Variants in CSMD1 observed in about 807,000 individuals in gnomAD.
The protein encoded by CSMD1 is CUB and Sushi multiple domains 1, also known as CUB and sushi domain-containing protein 1.
In CSMD1, 213 loss-of-function variants were observed where a neutral mutation model predicts 417.5. That is an observed-to-expected ratio of 0.51 (90% CI 0.46 to 0.57). CSMD1 has a LOEUF of 0.57. CSMD1 is among the 20% of genes least tolerant of loss of function. The pLI is 0.00. For synonymous variants in CSMD1, 2,862 were observed against 1,736.8 expected, an observed-to-expected ratio of 1.65 and a Z score of -16.11; for missense variants, 6,923 against 4,529.7, an observed-to-expected ratio of 1.53 and a Z score of -15.17.
At chr8:3,744,513 AT>A (rs10617740) in intron 6 of CSMD1, among the ~76,000 whole-genome samples, 2 of 152,190 alleles carry the variant, frequency 1.3e-5, no homozygotes, top group African/African-American at 2.4e-5. Context: ...AAATAAATAA[AT>A]AAAATAGATC....
chr8:4,301,169 G>A (rs573161319), intron 3 of CSMD1, among the ~76,000 whole-genome samples: 3 of 152,254 alleles, frequency 2.0e-5, no homozygotes, highest in Admixed American at 1.3e-4. Context: ...GGAAAAGAAC[G>A]CTCTGGGGCA....
At chr8:4,591,537 A>G (rs901088189) in intron 2 of CSMD1, among the ~76,000 whole-genome samples, 70 of 152,200 alleles carry the variant, frequency 4.6e-4, no homozygotes, top group Non-Finnish European at 1.5e-4. Flanking sequence ...TTACAGAGTG[A>G]AGGACACAGA....
intron 3 of CSMD1, among the ~76,000 whole-genome samples, chr8:4,112,572 G>C (rs536161028): frequency 6.6e-6 from 1 of 152,092 alleles, no homozygotes; most frequent in Non-Finnish European, 1.5e-5. Context: ...CCCTCTTCTG[G>C]GGAGGCTGAC....
At chr8:4,123,665 A>C (rs1802607934) in intron 3 of CSMD1, among the ~76,000 whole-genome samples, 2 of 152,240 alleles carry the variant, frequency 1.3e-5, no homozygotes, top group East Asian at 1.9e-4. Context: ...AACACTCTTA[A>C]AGTGGGAAAA....
intron 12 of CSMD1, among the ~76,000 whole-genome samples, chr8:3,453,427 C>T (rs1056931036): frequency 3.3e-5 from 5 of 152,010 alleles, no homozygotes; most frequent in African/African-American, 9.7e-5. Context: ...TAGATCTTGC[C>T]TGCTTTCTCT....
At chr8:3,902,416 T>C (rs1250608914) in intron 5 of CSMD1, among the ~76,000 whole-genome samples, 2 of 152,130 alleles carry the variant, frequency 1.3e-5, no homozygotes, top group Non-Finnish European at 1.5e-5. Context: ...GCAGTCCCCA[T>C]CTTTTTTGCT....
At chr8:4,145,534 C>G (rs745522583) in intron 3 of CSMD1, among the ~76,000 whole-genome samples, 6 of 150,942 alleles carry the variant, frequency 4.0e-5, no homozygotes, top group Non-Finnish European at 5.9e-5. Context: ...GAATCCCATT[C>G]AGAATTTCTT....
At chr8:4,157,270 G>C (rs1349180021) in intron 3 of CSMD1, among the ~76,000 whole-genome samples, 4 of 152,160 alleles carry the variant, frequency 2.6e-5, no homozygotes, top group African/African-American at 4.8e-5. Context: ...TCCTGTCTGT[G>C]ACTAGTTTAG....
intron 2 of CSMD1, among the ~76,000 whole-genome samples, chr8:4,484,626 G>T (rs113194507): frequency 6.6e-6 from 1 of 151,934 alleles, no homozygotes; most frequent in African/African-American, 2.4e-5. Context: ...TCTATGAGAG[G>T]GAAAGTGAGA....
intron 3 of CSMD1, among the ~76,000 whole-genome samples, chr8:4,166,718 G>A (rs940534506): frequency 4.6e-5 from 7 of 152,042 alleles, no homozygotes; most frequent in African/African-American, 1.2e-4. Context: ...ACATATCTAT[G>A]TAACCCAAAA....
At chr8:3,967,897 G>T (rs573098418) in intron 5 of CSMD1, among the ~76,000 whole-genome samples, 54 of 151,344 alleles carry the variant, frequency 3.6e-4, no homozygotes, top group African/African-American at 1.2e-3. Context: ...GCCGGGCGCA[G>T]TGGCTCACAC....
rs1051239502 is a variant in CSMD1 at position 3,205,681 on chromosome 8, G to C, written c.4868-61C>G. ...CAATAATAGCGCAGGTGATAGGTGA[G>C]CCAAAGCTGAAACACATCAAACACG... On this transcript the variant is annotated intron_variant, in intron 30 of 69. Coordinates refer to ENST00000635120, the MANE Select transcript of CSMD1 (RefSeq NM_033225.6). 16 of 735,818 alleles carry C rather than the reference G, an allele frequency of 2.2e-5. No individual in the cohort carries two copies. The Middle Eastern group carries it at 9.3e-4, about 43-fold the overall frequency. The allele number at this position is 735,818 out of a possible 1,614,324, so 45.6% of individuals were successfully genotyped here. A position where few individuals can be genotyped will look rare whatever the true frequency, so the allele number is the denominator to read the frequency against.
At chr8:3,884,712 T>G (rs1244514565) in intron 5 of CSMD1, among the ~76,000 whole-genome samples, 1 of 152,094 alleles carries the variant, frequency 6.6e-6, no homozygotes, top group Non-Finnish European at 1.5e-5. Flanking sequence ...ACTGAGAAAA[T>G]GTCCATGATT....
intron 15 of CSMD1, among the ~76,000 whole-genome samples, chr8:3,403,394 A>G (rs1207046955): frequency 3.9e-5 from 6 of 152,096 alleles, no homozygotes; most frequent in Non-Finnish European, 7.3e-5. Context: ...CGCCTGTTCC[A>G]TCGGAGCGTC....
rs185140660 is a variant in CSMD1 at position 4,857,124 on chromosome 8, G to A, written c.85+137208C>T. Reference sequence around the variant, plus strand: ...AGGATTAAGAATCTCACTCACAACCGCTCAACTACATGGAAACTGAACAAC... The same window carrying A: ...AGGATTAAGAATCTCACTCACAACCACTCAACTACATGGAAACTGAACAAC... On this transcript the variant is annotated intron_variant, in intron 1 of 69. Transcript: ENST00000635120. Among the ~76,000 whole-genome samples, 59 of 151,012 alleles carry A rather than the reference G, an allele frequency of 3.9e-4. No individual in the cohort carries two copies. In the East Asian group the frequency reaches 7.2e-3, roughly 18 times the overall value.
At chr8:3,046,643 G>A (rs752457664) in intron 50 of CSMD1, among the ~76,000 whole-genome samples, 44 of 152,090 alleles carry the variant, frequency 2.9e-4, no homozygotes, top group Admixed American at 4.6e-4. Flanking sequence ...CCTTGGCAGC[G>A]TTACACAATT....
chr8:3,973,774 T>C (rs934097089), intron 5 of CSMD1, among the ~76,000 whole-genome samples: 2 of 152,200 alleles, frequency 1.3e-5, no homozygotes, highest in African/African-American at 4.8e-5. Context: ...GTTTCATTAT[T>C]TGAGACACAG....
intron 6 of CSMD1, among the ~76,000 whole-genome samples, chr8:3,738,655 G>A (rs1448965083): frequency 2.0e-5 from 3 of 152,134 alleles, no homozygotes; most frequent in African/African-American, 4.8e-5. Context: ...CTTAGACAGG[G>A]CTTAGATAAC....
At chr8:4,149,202 G>A (rs765107889) in intron 3 of CSMD1, among the ~76,000 whole-genome samples, 5 of 152,068 alleles carry the variant, frequency 3.3e-5, no homozygotes, top group Non-Finnish European at 7.3e-5. Flanking sequence ...GACCTCAGGT[G>A]ATCCGTCCAC....
Sources: gnomAD v4.1 joint callset for allele counts (sites outside exome capture counted in the v4.1 genomes callset) on GRCh38, gnomAD v4.1.1 for gene constraint, MANE v1.5 for transcripts, NCBI Gene and HGNC (gene_info 2026-07-23, HGNC 2026-07-21) for gene names.